The following ATP6V1B1 variants were observed in gnomAD, a reference collection of about 807,000 sequenced individuals.
The protein encoded by ATP6V1B1 is V-type proton ATPase subunit B, kidney isoform.
A neutral mutation model predicts 62.1 loss-of-function variants in ATP6V1B1; 41 were observed. The ratio of observed to expected loss-of-function variants is 0.66; its 90% CI spans 0.51 to 0.86. The LOEUF (loss-of-function observed/expected upper bound fraction) is 0.86. Among genes scored for constraint, ATP6V1B1 ranks in the 40% least tolerant of loss-of-function variants. The pLI, the probability that ATP6V1B1 is intolerant of heterozygous loss-of-function variation, is 0.00. For synonymous variants in ATP6V1B1, 253 were observed against 273.4 expected (o/e 0.93, Z 0.74); for missense variants, 651 against 697.5 (o/e 0.93, Z 0.75).
At chr2:70,954,992 C>G (rs1366730165) in intron 2 of ATP6V1B1, among the ~76,000 whole-genome samples, 1 of 152,182 alleles carries the variant, frequency 6.6e-6, no homozygotes, top group Admixed American at 6.5e-5. Flanking sequence ...AGCCCAGCTT[C>G]CCAGGCCAAG....
In ATP6V1B1 at chr2:70,958,279, C is replaced by T. The variant is rs1045991655; in HGVS notation, c.274-54C>T. ...CACAGAAAGTGCCCAGAATGGGTAG[C>T]CCCATTCCCTCCAGCAGGCCCCTTA... On this transcript the variant is annotated intron_variant, in intron 3 of 13. Transcript: ENST00000234396. 1.2e-5 allele frequency: 19 copies of T among 1,591,134 alleles called. No individual in the cohort carries two copies. The African/African-American group carries it at 2.0e-4, about 17-fold the overall frequency.
At chr2:70,945,333 A>T (rs1479171833) in intron 2 of ATP6V1B1, among the ~76,000 whole-genome samples, 4 of 152,158 alleles carry the variant, frequency 2.6e-5, no homozygotes, top group African/African-American at 4.8e-5. Context: ...CCTTACATTC[A>T]GAACTAGAGG....
chr2:70,958,622 C>A (rs1393703628), intron 4 of ATP6V1B1, among the ~76,000 whole-genome samples, 196 bp downstream of exon 4: 2 of 152,140 alleles, frequency 1.3e-5, no homozygotes, highest in Non-Finnish European at 2.9e-5. Context: ...TACAGGTGTT[C>A]AATAAATGAG....
chr2:70,943,477 G>T (rs1553416736), intron 1 of ATP6V1B1, 181 bp from the exon 2 acceptor site: 1 of 732,610 alleles, frequency 1.4e-6, no homozygotes, highest in South Asian at 1.5e-5. Flanking sequence ...CAGGGGCCCT[G>T]CGGGCAGGGG....
chr2:70,961,731 G>A (rs1680592236), intron 8 of ATP6V1B1, 38 bp downstream of exon 8: 1 of 1,594,842 alleles, frequency 6.3e-7, no homozygotes, highest in Non-Finnish European at 8.6e-7. Context: ...CCTCAGGTGG[G>A]CAGACCCCGT....
Position 70,959,834 on chromosome 2 carries a change from G to T in ATP6V1B1, c.446-105G>T. The T allele has an allele frequency of 6.3e-7, 1 of 1,577,678 alleles. No homozygotes were observed. Among genetic ancestry groups the T allele is most frequent in the Non-Finnish European group, 8.7e-7 (1 of 1,153,128 alleles). On this transcript the variant is annotated intron_variant, in intron 5 of 13. Transcript: ENST00000234396. The surrounding 1 kb of genome is among the most constrained non-coding windows in gnomAD (Gnocchi z 4.2). ...GCCAGAGCACGTTTCTATCATCACA[G>T]AAAGTTCCGTCAAACAGGGCGGCTC...
chr2:70,946,948 C>T (rs2239487), intron 2 of ATP6V1B1, among the ~76,000 whole-genome samples: 18,299 of 152,180 alleles, frequency 0.12, 1,366 homozygotes, highest in East Asian at 0.43. Context: ...GGTGGAGGCA[C>T]CTCTCCCCAT....
At chr2:70,962,644 G>C in intron 8 of ATP6V1B1, 133 bp from the exon 9 acceptor site, 1 of 1,439,194 alleles carries the variant, frequency 6.9e-7, no homozygotes, top group South Asian at 1.2e-5. Context: ...ATGGGGGCAA[G>C]GGCTCATCTT....
rs782243671 is a variant in ATP6V1B1, at chr2:70,961,704, C to T, written c.785+11C>T. The T allele has an allele frequency of 6.2e-7, 1 of 1,613,762 alleles. No individual in the cohort carries two copies. The highest frequency in any genetic ancestry group is 8.5e-7 in the Non-Finnish European group (1 of 1,179,644). On this transcript the variant is annotated intron_variant, in intron 8 of 13. Transcript: ENST00000234396. ...GGCCAATGACCCCACGTGAGCTTTC[C>T]CTGATGCCCAAACTGCCCTCAGGTG...
In ATP6V1B1 at chr2:70,959,663, A is replaced by G. The variant is rs1227905892; in HGVS notation, c.446-276A>G. Among the ~76,000 whole-genome samples, 6 of 152,232 alleles carry G rather than the reference A, an allele frequency of 3.9e-5. No individual in the cohort carries two copies. Among genetic ancestry groups the G allele is most frequent in the Admixed American group, 2.6e-4 (4 of 15,286 alleles). Reference sequence around the variant, plus strand: ...GTTTCCACCTGCCTGCCACTTCCAAAGCACAAGGGCAGCTCTGTCCAAGGT... The same window carrying G: ...GTTTCCACCTGCCTGCCACTTCCAAGGCACAAGGGCAGCTCTGTCCAAGGT... On this transcript the variant is annotated intron_variant, in intron 5 of 13. Transcript: ENST00000234396. The surrounding 1 kb of genome is among the most constrained non-coding windows in gnomAD (Gnocchi z 4.2).
In ATP6V1B1 at chr2:70,963,247, C is replaced by T. The variant is rs538654813; in HGVS notation, c.995C>T (p.Ala332Val). Residue 332 changes from alanine (A) to valine (V), a missense_variant, in exon 10 of 14, where the codon GCG becomes GTG. Ala to Val is a moderately conservative substitution (Grantham distance 64, BLOSUM62 0). Transcript: ENST00000234396. This position sits in a 1 kb window ranked among gnomAD's most constrained non-coding sequence, Gnocchi z 4.3. ...YTDLATIYERAGRVEGRGGSI... is the reference protein window; with the variant it reads ...YTDLATIYERVGRVEGRGGSI... The stretch of plus-strand genomic sequence containing the variant: ...GACCTGGCCACCATCTACGAGCGGG[C>T]GGGCCGCGTGGAGGGTCGGGGAGGA... 3.7e-6 allele frequency: 6 copies of T among 1,613,902 alleles called. No homozygotes were observed. Among genetic ancestry groups the T allele is most frequent in the East Asian group, 2.2e-5 (1 of 44,866 alleles).
chr2:70,958,956 G>T (rs1319938754), intron 4 of ATP6V1B1, 62 bp from the exon 5 acceptor site: 12 of 1,517,366 alleles, frequency 7.9e-6, no homozygotes, highest in Non-Finnish European at 1.1e-5. Context: ...GTGGAGGGTA[G>T]ACAGTAGTGA....
rs556238776 is a variant in ATP6V1B1, at chr2:70,958,967, G to A, written c.368-51G>A. 9 of 1,571,198 alleles carry A rather than the reference G, an allele frequency of 5.7e-6. No homozygotes were observed. In the East Asian group the frequency reaches 1.8e-4, roughly 31 times the overall value. ...TGGTGTGGAGGGTAGACAGTAGTGA[G>A]GGACACAGGGCTAGCCTGAGCACCC... On this transcript the variant is annotated intron_variant, in intron 4 of 13. Coordinates refer to ENST00000234396, the MANE Select transcript of ATP6V1B1 (RefSeq NM_001692.4).
At chr2:70,941,867 C>T in intron 1 of ATP6V1B1, 1 of 986,238 alleles carries the variant, frequency 1.0e-6, no homozygotes. Flanking sequence ...AGGGAAGCTT[C>T]CAAAGGACAG....
Position 70,960,942 on chromosome 2 carries a change from CA to C in ATP6V1B1, c.608del (p.Gln203ArgfsTer5). Reference protein sequence around the residue: ...HNEIAAQICRQAGLVKKSKAV... With the variant: ...HNEIAAQICRXAGLVKKSKAV... ...CTAGATTGCCGCTCAGATCTGCCGCCAGGCGGGGCTGGTGAAGAAGTCCAAG... is the reference window on the plus strand; with the variant it reads ...CTAGATTGCCGCTCAGATCTGCCGCCGGCGGGGCTGGTGAAGAAGTCCAAG... On this transcript the variant is annotated frameshift_variant, in exon 7 of 14. Coordinates refer to ENST00000234396, the MANE Select transcript of ATP6V1B1 (RefSeq NM_001692.4). LOFTEE classifies it high-confidence loss of function. 5 of 1,609,864 alleles carry C rather than the reference CA, an allele frequency of 3.1e-6. No homozygotes were observed. Among genetic ancestry groups the C allele is most frequent in the Non-Finnish European group, 4.2e-6 (5 of 1,178,122 alleles).
intron 2 of ATP6V1B1, chr2:70,944,219 C>A: frequency 2.3e-6 from 3 of 1,289,182 alleles, no homozygotes; most frequent in Non-Finnish European, 3.0e-6. Context: ...TCAGTCTCAG[C>A]AACATGGGTG....
chr2:70,942,096 G>GCCTCCTTGCCTCTCTCTCT, intron 1 of ATP6V1B1: 1 of 1,067,380 alleles, frequency 9.4e-7, no homozygotes, highest in Non-Finnish European at 1.2e-6. Flanking sequence ...CAGAGAGAGA[G>GCCTCCTTGCCTCTCTCTCT]GCAAGGAGGC....
intron 6 of ATP6V1B1, 60 bp from the exon 7 acceptor site, chr2:70,960,861 C>A (rs2104828519): frequency 6.9e-7 from 1 of 1,449,310 alleles, no homozygotes; most frequent in Non-Finnish European, 9.5e-7. Flanking sequence ...CAGTGGTGCT[C>A]AGTGGGACAG....
chr2:70,964,112 G>GTTTTTTTT (rs1330555546), intron 11 of ATP6V1B1: 312 of 157,888 alleles, frequency 2.0e-3, no homozygotes, highest in Admixed American at 7.4e-3. Flanking sequence ...TGCTTGGCAG[G>GTTTTTTTT]TATTTTTTTT....
Sources: gnomAD v4.1 joint callset for allele counts (sites outside exome capture counted in the v4.1 genomes callset) on GRCh38, gnomAD v4.1.1 for gene constraint, Gnocchi (gnomAD v3.1) non-coding constraint, MANE v1.5 for transcripts, NCBI Gene and HGNC (gene_info 2026-07-23, HGNC 2026-07-21) for gene names.